Variants in EDIL3 observed in about 807,000 individuals in gnomAD.
EDIL3 encodes EGF like and discoidin domains 3, also known as EGF-like repeat and discoidin I-like domain-containing protein 3.
Under a neutral mutation model 67.4 loss-of-function variants are expected in EDIL3, and 37 were observed. That is an observed-to-expected ratio of 0.55 (90% CI 0.42 to 0.72). The LOEUF is 0.72. EDIL3 is among the 30% of genes least tolerant of loss of function. The pLI is 0.00. For missense variants in EDIL3, 527 were observed against 586.3 expected (o/e 0.90, Z 1.04); for synonymous variants, 195 against 196.3 (o/e 0.99, Z 0.05).
intron 5 of EDIL3, among the ~76,000 whole-genome samples, chr5:84,112,179 G>A (rs1173256495): frequency 6.6e-6 from 1 of 152,114 alleles, no homozygotes; most frequent in African/African-American, 2.4e-5. Context: ...AGGACTCTAT[G>A]GCCACATTTT....
intron 1 of EDIL3, among the ~76,000 whole-genome samples, chr5:84,266,419 C>G (rs1381048551): frequency 6.6e-6 from 1 of 152,172 alleles, no homozygotes; most frequent in East Asian, 1.9e-4. Flanking sequence ...ATTGAAGAGG[C>G]TTTGACCTTA....
intron 1 of EDIL3, among the ~76,000 whole-genome samples, chr5:84,287,240 C>G (rs1164608183): frequency 6.6e-6 from 1 of 151,952 alleles, no homozygotes; most frequent in African/African-American, 2.4e-5. Context: ...GAAAAATGTG[C>G]TATGTGGATT....
intron 1 of EDIL3, among the ~76,000 whole-genome samples, chr5:84,322,446 A>G (rs1195293788): frequency 2.0e-5 from 3 of 152,152 alleles, no homozygotes; most frequent in African/African-American, 7.2e-5. Context: ...ATTCATTAGA[A>G]GTATCCAATG....
intron 9 of EDIL3, among the ~76,000 whole-genome samples, chr5:83,966,988 A>C (rs891597403): frequency 6.6e-6 from 1 of 152,138 alleles, no homozygotes; most frequent in Non-Finnish European, 1.5e-5. Context: ...AAATTTTGAA[A>C]AACCTGAAAT....
intron 1 of EDIL3, among the ~76,000 whole-genome samples, chr5:84,319,494 C>CAAAAAAAAAAAAAAAAAAA (rs55738450): frequency 3.7e-4 from 16 of 42,824 alleles, no homozygotes; most frequent in Middle Eastern, 0.045. Flanking sequence ...CAAAAAACAA[C>CAAAAAAAAAAAAAAAAAAA]AAAAAAAAAA....
intron 9 of EDIL3, among the ~76,000 whole-genome samples, chr5:83,988,014 T>C (rs551243984): frequency 7.8e-4 from 118 of 152,140 alleles, no homozygotes; most frequent in Middle Eastern, 6.8e-3. Flanking sequence ...GTCTCTTAGA[T>C]ATGGAATCGT....
chr5:84,365,798 A>T (rs1747720205), intron 1 of EDIL3, among the ~76,000 whole-genome samples: 2 of 152,180 alleles, frequency 1.3e-5, no homozygotes, highest in South Asian at 4.1e-4. Flanking sequence ...GCCAGACCAC[A>T]ATTAAGAAAA....
rs185732379 is a variant in EDIL3 at position 84,263,559 on chromosome 5, C to T, written c.68-9347G>A. 5.3e-5 allele frequency among the ~76,000 whole-genome samples: 8 copies of T among 152,258 alleles called. No homozygotes were observed. The East Asian group carries it at 1.5e-3, about 29-fold the overall frequency. Reference sequence around the variant, plus strand: ...GCAGAGTTGGCATCCTACTCTGCTACTCTCTAATTATTCTGTGTTTCTAAA... The same window carrying T: ...GCAGAGTTGGCATCCTACTCTGCTATTCTCTAATTATTCTGTGTTTCTAAA... On this transcript the variant is annotated intron_variant, in intron 1 of 10. Coordinates refer to ENST00000296591, the MANE Select transcript of EDIL3 (RefSeq NM_005711.5).
chr5:84,372,032 T>A (rs1747866548), intron 1 of EDIL3, among the ~76,000 whole-genome samples: 1 of 152,124 alleles, frequency 6.6e-6, no homozygotes, highest in African/African-American at 2.4e-5. Context: ...AGATTTAATG[T>A]TAATTTAAAG....
intron 1 of EDIL3, among the ~76,000 whole-genome samples, chr5:84,360,351 A>G: frequency 6.6e-6 from 1 of 152,216 alleles, no homozygotes; most frequent in African/African-American, 2.4e-5. Flanking sequence ...GAGAAAATAT[A>G]GGAACAATCT....
intron 4 of EDIL3, among the ~76,000 whole-genome samples, chr5:84,160,826 C>CTTTCCTTTCCCTTTCT (rs1748599620): frequency 9.7e-6 from 1 of 103,056 alleles, no homozygotes; most frequent in African/African-American, 3.8e-5. Flanking sequence ...TTTCCCTTTC[C>CTTTCCTTTCCCTTTCT]TTTTCCTTTC....
chr5:84,034,713 T>G (rs1036320423), intron 9 of EDIL3, among the ~76,000 whole-genome samples: 1 of 152,166 alleles, frequency 6.6e-6, no homozygotes, highest in Non-Finnish European at 1.5e-5. Flanking sequence ...GTTGGCTCCA[T>G]TTTTTAAGAT....
chr5:84,291,982 A>G (rs1415932566), intron 1 of EDIL3, among the ~76,000 whole-genome samples: 1 of 151,808 alleles, frequency 6.6e-6, no homozygotes, highest in Admixed American at 6.6e-5. Context: ...ACCCAGATAC[A>G]TTAAAAAAGA....
Position 84,317,297 on chromosome 5 carries a change from C to T in EDIL3, c.68-63085G>A, listed in dbSNP as rs562589275. Among the ~76,000 whole-genome samples the T allele has an allele frequency of 3.9e-5, 6 of 152,174 alleles. No homozygotes were observed. In the East Asian group the frequency reaches 1.2e-3, roughly 29 times the overall value. ...GAAGGAGATAGAGACACAAAAAACC[C>T]TTCAACAAATCAATGAATCCAGGAG... On this transcript the variant is annotated intron_variant, in intron 1 of 10. Coordinates refer to ENST00000296591, the MANE Select transcript of EDIL3 (RefSeq NM_005711.5).
intron 1 of EDIL3, among the ~76,000 whole-genome samples, chr5:84,264,066 T>C (rs1022636354): frequency 1.3e-5 from 2 of 152,086 alleles, no homozygotes; most frequent in African/African-American, 4.8e-5. Flanking sequence ...TGAAACCCTG[T>C]TGAGTTAGAG....
chr5:84,154,794 G>A (rs1748461831), intron 4 of EDIL3, among the ~76,000 whole-genome samples: 1 of 148,384 alleles, frequency 6.7e-6, no homozygotes, highest in Non-Finnish European at 1.5e-5. Context: ...CTGCCTCCCA[G>A]GTTCAAGCGA....
chr5:84,244,781 G>C (rs2112064031), intron 2 of EDIL3, among the ~76,000 whole-genome samples: 1 of 152,170 alleles, frequency 6.6e-6, no homozygotes, highest in African/African-American at 2.4e-5. Context: ...ACTTTAGATT[G>C]GGGTCCTACC....
intron 9 of EDIL3, among the ~76,000 whole-genome samples, chr5:84,045,597 TC>T (rs1383326249): frequency 2.0e-5 from 3 of 152,280 alleles, no homozygotes; most frequent in African/African-American, 7.2e-5. Flanking sequence ...GATAAATGTG[TC>T]CTTAGTCACA....
At chr5:84,242,785 C>A (rs868186835) in intron 2 of EDIL3, among the ~76,000 whole-genome samples, 69 of 87,614 alleles carry the variant, frequency 7.9e-4, no homozygotes, top group African/African-American at 2.5e-3. Flanking sequence ...GCGACAGAGA[C>A]CCTATCTTAA....
Sources: gnomAD v4.1 joint callset for allele counts (sites outside exome capture counted in the v4.1 genomes callset) on GRCh38, gnomAD v4.1.1 for gene constraint, MANE v1.5 for transcripts, NCBI Gene and HGNC (gene_info 2026-07-23, HGNC 2026-07-21) for gene names.